Variants in TUBGCP3 observed in about 807,000 individuals in gnomAD.
TUBGCP3 encodes tubulin gamma complex component 3.
A neutral mutation model predicts 123.1 loss-of-function variants in TUBGCP3; 50 were observed. The ratio of observed to expected loss-of-function variants is 0.41; its 90% confidence interval spans 0.32 to 0.51. TUBGCP3 has a LOEUF of 0.51. TUBGCP3 is among the 20% of genes least tolerant of loss of function. The pLI is 0.36. For missense variants in TUBGCP3, 882 were observed against 1,127.0 expected (o/e 0.78, Z 3.11); for synonymous variants, 405 against 413.9 (o/e 0.98, Z 0.26).
chr13:112,577,402 T>C (rs1042242884), intron 1 of TUBGCP3, among the ~76,000 whole-genome samples: 2 of 152,146 alleles, frequency 1.3e-5, no homozygotes, highest in African/African-American at 4.8e-5. Context: ...AGTCTAGTCA[T>C]GATAAAAATA....
chr13:112,592,477 C>G (rs549579843), upstream of TUBGCP3, among the ~76,000 whole-genome samples: 1 of 152,230 alleles, frequency 6.6e-6, no homozygotes, highest in South Asian at 2.1e-4. The surrounding 1 kb of genome is among the most constrained non-coding windows in gnomAD (Gnocchi z 4.1). Flanking sequence ...CCCCACGGCA[C>G]TGGGTGAAGG....
At chr13:112,505,438 T>A (rs151026653) in intron 17 of TUBGCP3, among the ~76,000 whole-genome samples, 131 of 152,364 alleles carry the variant, frequency 8.6e-4, no homozygotes, top group African/African-American at 3.0e-3. Flanking sequence ...ACGCCCTCAA[T>A]GAGTTACCTC....
At chr13:112,555,913 GACT>G in intron 6 of TUBGCP3, 136 bp downstream of exon 6, 1 of 970,714 alleles carries the variant, frequency 1.0e-6, no homozygotes. Flanking sequence ...GACCACCAGG[GACT>G]CTGGACTTCA....
At chr13:112,526,492 T>C (rs1430421959) in intron 13 of TUBGCP3, among the ~76,000 whole-genome samples, 9 of 149,874 alleles carry the variant, frequency 6.0e-5, no homozygotes, top group African/African-American at 2.2e-4. Flanking sequence ...ACCATCACCA[T>C]CATCACCATC....
chr13:112,492,099 A>G (rs768892725), intron 20 of TUBGCP3, among the ~76,000 whole-genome samples: 2 of 152,214 alleles, frequency 1.3e-5, no homozygotes, highest in Non-Finnish European at 2.9e-5. Context: ...TTCATAAAAC[A>G]TATCATCTTC....
chr13:112,552,069 C>A (rs1469187110), intron 8 of TUBGCP3, among the ~76,000 whole-genome samples: 1 of 152,198 alleles, frequency 6.6e-6, no homozygotes, highest in Non-Finnish European at 1.5e-5. Context: ...TGCCTGCTCG[C>A]CCTCCACTCA....
At chr13:112,541,549 A>C (rs1230893989) in intron 11 of TUBGCP3, among the ~76,000 whole-genome samples, 1 of 152,014 alleles carries the variant, frequency 6.6e-6, no homozygotes, top group Admixed American at 6.6e-5. Flanking sequence ...CTCAAAAAAA[A>C]AAAAAAAAAA....
intron 17 of TUBGCP3, among the ~76,000 whole-genome samples, chr13:112,509,935 C>T (rs1436503541): frequency 6.6e-6 from 1 of 152,136 alleles, no homozygotes; most frequent in Non-Finnish European, 1.5e-5. Flanking sequence ...ATCTCTTTAC[C>T]CAGCACTCTG....
chr13:112,548,258 TAGATAA>T (rs1879231961), intron 8 of TUBGCP3, 82 bp from the exon 9 acceptor site: 1 of 1,099,756 alleles, frequency 9.1e-7, no homozygotes, highest in South Asian at 1.8e-5. Flanking sequence ...ATAATGCGTT[TAGATAA>T]AGTTCAGGTG....
chr13:112,564,989 A>G, intron 3 of TUBGCP3, 122 bp downstream of exon 3: 1 of 751,856 alleles, frequency 1.3e-6, no homozygotes. Flanking sequence ...ATCTATAATT[A>G]AAAGCAATTA....
the TUBGCP3 span, among the ~76,000 whole-genome samples, chr13:112,599,074 T>C: frequency 6.8e-6 from 1 of 147,710 alleles, no homozygotes; most frequent in Non-Finnish European, 1.5e-5. Context: ...TAAACCAAAA[T>C]ATCTCACAAG....
intron 1 of TUBGCP3, among the ~76,000 whole-genome samples, chr13:112,584,336 T>C (rs562056056): frequency 2.2e-4 from 34 of 152,368 alleles, no homozygotes; most frequent in African/African-American, 7.9e-4. Flanking sequence ...TTTTAACTTA[T>C]TGAAAAATAG....
chr13:112,586,146 G>A (rs1469784265), intron 1 of TUBGCP3, among the ~76,000 whole-genome samples: 1 of 151,802 alleles, frequency 6.6e-6, no homozygotes, highest in Non-Finnish European at 1.5e-5. Context: ...GGCTGAGGCA[G>A]GAGAATGGCA....
chr13:112,534,619 G>C (rs948881726), intron 11 of TUBGCP3, among the ~76,000 whole-genome samples: 8 of 151,852 alleles, frequency 5.3e-5, no homozygotes, highest in Non-Finnish European at 1.2e-4. Context: ...TGCAGCCTGA[G>C]AGCTACAGAG....
At position 112,580,184 on chromosome 13, in the gene TUBGCP3, G is replaced by A. The variant is rs112926892; in HGVS notation, c.76+7721C>T. Among the ~76,000 whole-genome samples, 1,412 of 152,246 alleles carry A rather than the reference G, an allele frequency of 9.3e-3. 22 individuals are homozygous for A. Among genetic ancestry groups the A allele is most frequent in the African/African-American group, 0.032 (1,332 of 41,542 alleles). Reference sequence around the variant, plus strand: ...CACAAAGGCAAAATGGTAGCACAGAGGAAATCACTGTGAACCTAAACACTG... The same window carrying A: ...CACAAAGGCAAAATGGTAGCACAGAAGAAATCACTGTGAACCTAAACACTG... On this transcript the variant is annotated intron_variant, in intron 1 of 21. Transcript: ENST00000261965.
chr13:112,486,663 C>T lies in TUBGCP3; in HGVS notation c.2566-512G>A, dbSNP rs1160009003. 3.9e-5 allele frequency among the ~76,000 whole-genome samples: 6 copies of T among 152,232 alleles called. No individual in the cohort carries two copies. In the East Asian group the frequency reaches 7.7e-4, roughly 20 times the overall value. On this transcript the variant is annotated intron_variant, in intron 21 of 21. Transcript: ENST00000261965. ...CCGCCCTCTTCATGGGCACTGGCAT[C>T]GCCATCATCCTGTTACTGAGGGCGT...
intron 16 of TUBGCP3, among the ~76,000 whole-genome samples, chr13:112,517,309 CCTT>C (rs1876220029): frequency 6.6e-6 from 1 of 152,138 alleles, no homozygotes; most frequent in Non-Finnish European, 1.5e-5. Flanking sequence ...TTCCTCGAGT[CCTT>C]CTACTAAAGT....
chr13:112,548,165 A>C lies in TUBGCP3; in HGVS notation c.978T>G (p.Ala326=), dbSNP rs1013913635. The change falls in exon 9 of 22, where the codon GCT becomes GCG. Residue 326 remains alanine (A), a synonymous_variant. Transcript: ENST00000261965. ...SFGLVGQSFC[A]ALHQELREYY... is the part of the protein sequence containing the mutation. ...ATTCTCTGAGTTCCTGGTGCAAGGC[A>C]GCACAAAAGCTCTGTTTGGAGGAGA... 1 of 1,602,834 alleles carries C rather than the reference A, an allele frequency of 6.2e-7. No individual in the cohort carries two copies. The highest frequency in any genetic ancestry group is 1.7e-5 in the Admixed American group (1 of 59,826).
chr13:112,527,179 G>T, intron 12 of TUBGCP3, 129 bp from the exon 13 acceptor site: 1 of 832,128 alleles, frequency 1.2e-6, no homozygotes, highest in Non-Finnish European at 1.9e-6. Context: ...ACAGTATGGA[G>T]CGAATTCTAG....
Sources: allele counts gnomAD v4.1 joint callset (sites outside exome capture counted in the v4.1 genomes callset), GRCh38; gene constraint gnomAD v4.1.1; non-coding constraint Gnocchi (gnomAD v3.1); transcripts MANE v1.5; gene names NCBI Gene and HGNC (gene_info 2026-07-23, HGNC 2026-07-21).